The following CDH18 variants were observed in gnomAD, a reference collection of about 807,000 sequenced individuals.
The protein encoded by CDH18 is cadherin-18.
In CDH18, 31 loss-of-function variants were observed where a neutral mutation model predicts 67.9. The observed-to-expected ratio is 0.46, with a 90% CI of 0.34 to 0.62. CDH18 has a LOEUF of 0.62. Among genes scored for constraint, CDH18 ranks in the 20% least tolerant of loss-of-function variants. CDH18 has a pLI of 0.01. For synonymous variants in CDH18, 362 were observed against 347.2 expected (o/e 1.04, Z -0.48); for missense variants, 890 against 975.5 (o/e 0.91, Z 1.17).
intron 5 of CDH18, among the ~76,000 whole-genome samples, chr5:19,661,807 G>A (rs1757220622): frequency 6.6e-6 from 1 of 152,042 alleles, no homozygotes; most frequent in Admixed American, 6.6e-5. Flanking sequence ...ATAGAACAGT[G>A]AGCAATGAAT....
intron 1 of CDH18, among the ~76,000 whole-genome samples, chr5:20,554,118 GA>G (rs1581192293): frequency 6.6e-6 from 1 of 152,016 alleles, no homozygotes; most frequent in East Asian, 1.9e-4. Context: ...TCAGGGCTTA[GA>G]AAAAAAATTC....
intron 2 of CDH18, among the ~76,000 whole-genome samples, chr5:20,186,113 A>G (rs1738082004): frequency 6.6e-6 from 1 of 152,060 alleles, no homozygotes. Flanking sequence ...TAAAAATTGA[A>G]TAAAATTAGA....
chr5:19,960,030 T>G (rs954375840), intron 2 of CDH18, among the ~76,000 whole-genome samples: 2 of 152,016 alleles, frequency 1.3e-5, no homozygotes, highest in African/African-American at 4.8e-5. Context: ...TTGTTCTGAG[T>G]GAGTCAATGA....
At chr5:19,856,711 A>AT (rs879465885) in intron 2 of CDH18, among the ~76,000 whole-genome samples, 368 of 151,920 alleles carry the variant, frequency 2.4e-3, no homozygotes, top group Non-Finnish European at 4.4e-3. Context: ...CAGCAAAAAA[A>AT]AAAATAAAAA....
At chr5:20,064,041 G>T (rs1464236705) in intron 2 of CDH18, among the ~76,000 whole-genome samples, 2 of 152,030 alleles carry the variant, frequency 1.3e-5, no homozygotes, top group African/African-American at 4.8e-5. Flanking sequence ...ATGTTGTATT[G>T]TAATTTGTTA....
At chr5:20,252,552 T>C (rs890988487) in intron 2 of CDH18, among the ~76,000 whole-genome samples, 52 of 152,122 alleles carry the variant, frequency 3.4e-4, no homozygotes, top group Non-Finnish European at 7.1e-4. Flanking sequence ...GTTATATCTC[T>C]ACATTTGAAC....
At chr5:20,564,847 T>G (rs1758412095) in intron 1 of CDH18, among the ~76,000 whole-genome samples, 1 of 152,144 alleles carries the variant, frequency 6.6e-6, no homozygotes, top group Admixed American at 6.6e-5. Context: ...AAGTATAGTT[T>G]CAGGAAGTAA....
At chr5:20,290,674 G>T (rs940279286) in intron 1 of CDH18, among the ~76,000 whole-genome samples, 1 of 152,154 alleles carries the variant, frequency 6.6e-6, no homozygotes, top group African/African-American at 2.4e-5. Context: ...GCTTGATTCG[G>T]AAGACAGTCC....
intron 1 of CDH18, among the ~76,000 whole-genome samples, chr5:20,491,000 T>A (rs1349587766): frequency 6.6e-6 from 1 of 152,110 alleles, no homozygotes; most frequent in African/African-American, 2.4e-5. Flanking sequence ...AAAAATTGTA[T>A]AAGCACTTCA....
At chr5:19,625,015 T>C (rs1228351833) in intron 5 of CDH18, among the ~76,000 whole-genome samples, 1 of 151,072 alleles carries the variant, frequency 6.6e-6, no homozygotes, top group Non-Finnish European at 1.5e-5. Flanking sequence ...CTTGTAACGG[T>C]GGCATTCTAG....
chr5:19,920,990 T>TAA (rs1792378395), intron 2 of CDH18, among the ~76,000 whole-genome samples: 2 of 151,528 alleles, frequency 1.3e-5, no homozygotes, highest in South Asian at 4.2e-4. Context: ...ATGAGTCATT[T>TAA]AAAAAATAGT....
intron 2 of CDH18, among the ~76,000 whole-genome samples, chr5:20,072,409 C>A (rs1743559213): frequency 1.3e-5 from 2 of 151,958 alleles, no homozygotes; most frequent in African/African-American, 4.8e-5. Flanking sequence ...CTGCATGAAA[C>A]TTTAATGAGA....
In CDH18 at chr5:19,543,926, C is replaced by A; in HGVS notation, c.1333G>T (p.Val445Phe). Residue 445 changes from valine (V) to phenylalanine (F), a missense_variant, in exon 9 of 13, where the codon GTT (valine) becomes TTT (phenylalanine). By Grantham distance (50) the Val-to-Phe change is conservative (BLOSUM62 -1). This residue lies in a region of CDH18 where 656 missense variants were observed against 668.1 expected (regional missense o/e 0.98). Transcript: ENST00000382275. ...CATGGAGTTTCTTCTCTGTCGAGAA[C>A]CTTTGTAGTCCTAATGGTCCCAGTA... ...ANTGTIRTTK[V>F]LDREETPWYN... 3 of 1,595,586 alleles carry A rather than the reference C, an allele frequency of 1.9e-6. No individual in the cohort carries two copies. Among genetic ancestry groups the A allele is most frequent in the Non-Finnish European group, 2.6e-6 (3 of 1,166,948 alleles).
intron 2 of CDH18, among the ~76,000 whole-genome samples, chr5:20,079,333 C>CT (rs1419337775): frequency 6.6e-6 from 1 of 152,146 alleles, no homozygotes; most frequent in Non-Finnish European, 1.5e-5. Flanking sequence ...CTGTCTCTGG[C>CT]TTATCTCACT....
At chr5:20,202,468 C>A (rs983317773) in intron 2 of CDH18, among the ~76,000 whole-genome samples, 1 of 151,910 alleles carries the variant, frequency 6.6e-6, no homozygotes, top group African/African-American at 2.4e-5. Context: ...ATTTTGTTAT[C>A]TTGTCACTTA....
intron 2 of CDH18, among the ~76,000 whole-genome samples, chr5:19,970,121 A>G (rs148573164): frequency 4.6e-5 from 7 of 151,984 alleles, no homozygotes; most frequent in African/African-American, 1.4e-4. Context: ...TGGTCAGTAA[A>G]GAACCATTGA....
chr5:19,512,665 C>T (rs968208032), intron 10 of CDH18, among the ~76,000 whole-genome samples: 9 of 152,078 alleles, frequency 5.9e-5, no homozygotes, highest in African/African-American at 2.2e-4. Flanking sequence ...ATTCTACCTG[C>T]GTATAGCAGC....
intron 5 of CDH18, among the ~76,000 whole-genome samples, chr5:19,615,550 A>AGATT (rs1749690468): frequency 6.6e-6 from 1 of 152,188 alleles, no homozygotes; most frequent in Non-Finnish European, 1.5e-5. Context: ...TTGACACATC[A>AGATT]TTACTCTCCG....
chr5:20,190,147 G>A (rs1190628442), intron 2 of CDH18, among the ~76,000 whole-genome samples: 1 of 152,110 alleles, frequency 6.6e-6, no homozygotes, highest in Non-Finnish European at 1.5e-5. Context: ...AACAAGGCAG[G>A]GTGAGCTGTC....
Sources: gnomAD v4.1 joint callset for allele counts (sites outside exome capture counted in the v4.1 genomes callset) on GRCh38, gnomAD v4.1.1 for gene constraint, gnomAD v4.1.1 regional missense constraint, MANE v1.5 for transcripts, NCBI Gene and HGNC (gene_info 2026-07-23, HGNC 2026-07-21) for gene names.